The following IGF2BP2 variants were observed in gnomAD, a reference collection of about 807,000 sequenced individuals.
The protein encoded by IGF2BP2 is insulin-like growth factor 2 mRNA-binding protein 2.
In IGF2BP2, 17 loss-of-function variants were observed where a neutral mutation model predicts 75.8. The ratio of observed to expected loss-of-function variants is 0.22; its 90% confidence interval spans 0.15 to 0.34. The LOEUF is 0.34. IGF2BP2 is among the 10% of genes least tolerant of loss of function. The probability of loss-of-function intolerance (pLI) is 1.00; values close to 1 mark genes in which losing one functional copy is unlikely to be tolerated. For missense variants in IGF2BP2, 516 were observed against 772.4 expected (o/e 0.67, Z 3.93); for synonymous variants, 288 against 295.6 (o/e 0.97, Z 0.26).
intron 2 of IGF2BP2, among the ~76,000 whole-genome samples, chr3:185,760,713 G>C (rs2149691121): frequency 6.6e-6 from 1 of 152,244 alleles, no homozygotes; most frequent in East Asian, 1.9e-4. Flanking sequence ...GGAGATACGA[G>C]GAATATCTGG....
At chr3:185,765,603 G>A (rs897225999) in intron 2 of IGF2BP2, among the ~76,000 whole-genome samples, 1 of 152,208 alleles carries the variant, frequency 6.6e-6, no homozygotes, top group African/African-American at 2.4e-5. Context: ...GAGGAGAATT[G>A]AGAAAGGTCC....
intron 13 of IGF2BP2, 141 bp downstream of exon 13, chr3:185,651,953 G>T (rs553505469): frequency 3.5e-6 from 2 of 566,032 alleles, no homozygotes; most frequent in South Asian, 6.0e-5. Context: ...AGCCAGGGAT[G>T]ACAGGGTGAG....
At chr3:185,730,662 G>A (rs747619141) in intron 2 of IGF2BP2, among the ~76,000 whole-genome samples, 3 of 152,002 alleles carry the variant, frequency 2.0e-5, no homozygotes, top group Non-Finnish European at 1.5e-5. Flanking sequence ...TCGAGCTCCC[G>A]ACCTCAGGTG....
chr3:185,673,805 C>A (rs1284034989), intron 9 of IGF2BP2, among the ~76,000 whole-genome samples: 1 of 152,196 alleles, frequency 6.6e-6, no homozygotes, highest in Non-Finnish European at 1.5e-5. Context: ...CCTACCAGTG[C>A]GTGACTTTGG....
intron 2 of IGF2BP2, among the ~76,000 whole-genome samples, chr3:185,801,891 T>C (rs1738338767): frequency 1.3e-5 from 2 of 151,984 alleles, no homozygotes; most frequent in African/African-American, 4.8e-5. Context: ...CTGGAAGCCA[T>C]CATTCTCGGC....
At chr3:185,687,381 A>T (rs151146482) in intron 6 of IGF2BP2, among the ~76,000 whole-genome samples, 190 bp from the exon 7 acceptor site, 1 of 152,296 alleles carries the variant, frequency 6.6e-6, no homozygotes, top group Non-Finnish European at 1.5e-5. Flanking sequence ...GCCAAATTTT[A>T]ATTATTTGCA....
chr3:185,655,280 C>T (rs1200875023), intron 12 of IGF2BP2, among the ~76,000 whole-genome samples: 2 of 152,018 alleles, frequency 1.3e-5, no homozygotes, highest in African/African-American at 2.4e-5. Context: ...TACAGGCACC[C>T]GCCATCATGC....
chr3:185,669,250 A>G (rs1718142775), intron 10 of IGF2BP2, among the ~76,000 whole-genome samples: 1 of 152,130 alleles, frequency 6.6e-6, no homozygotes, highest in East Asian at 1.9e-4. Context: ...TACTTCCAGG[A>G]AATTATTCTG....
At chr3:185,649,993 ATTGTT>A (rs1714301508) in intron 13 of IGF2BP2, among the ~76,000 whole-genome samples, 1 of 151,786 alleles carries the variant, frequency 6.6e-6, no homozygotes. Flanking sequence ...GGAGCCTGAT[ATTGTT>A]TTAATTAAAA....
intron 2 of IGF2BP2, among the ~76,000 whole-genome samples, chr3:185,721,665 C>T (rs1726568283): frequency 6.6e-6 from 1 of 152,142 alleles, no homozygotes; most frequent in African/African-American, 2.4e-5. Context: ...TAATAAAACA[C>T]TGTTTATCAG....
chr3:185,775,546 T>C (rs886144178), intron 2 of IGF2BP2, among the ~76,000 whole-genome samples: 2 of 152,134 alleles, frequency 1.3e-5, no homozygotes, highest in African/African-American at 4.8e-5. Context: ...GGAAGGAGAA[T>C]GATCCAGAGC....
chr3:185,770,298 G>C (rs1206637202), intron 2 of IGF2BP2, among the ~76,000 whole-genome samples: 1 of 152,208 alleles, frequency 6.6e-6, no homozygotes. Context: ...CGGCCAACCC[G>C]AGGGAGCATA....
intron 2 of IGF2BP2, among the ~76,000 whole-genome samples, chr3:185,788,703 C>A (rs1232197391): frequency 1.5e-5 from 2 of 135,626 alleles, no homozygotes; most frequent in South Asian, 2.5e-4. Flanking sequence ...CCAAAACTGA[C>A]AAACGACTTT....
intron 2 of IGF2BP2, among the ~76,000 whole-genome samples, chr3:185,820,568 T>C (rs1043456796): frequency 2.6e-5 from 4 of 152,156 alleles, no homozygotes; most frequent in African/African-American, 9.6e-5. Context: ...GTTTTCTATT[T>C]CTAAGTGACC....
At chr3:185,742,919 T>C (rs1330292925) in intron 2 of IGF2BP2, among the ~76,000 whole-genome samples, 1 of 151,930 alleles carries the variant, frequency 6.6e-6, no homozygotes, top group African/African-American at 2.4e-5. Context: ...GCCAATATGG[T>C]GAAACCCCGT....
At chr3:185,704,815 G>A (rs1235727950) in intron 2 of IGF2BP2, among the ~76,000 whole-genome samples, 2 of 152,094 alleles carry the variant, frequency 1.3e-5, no homozygotes, top group Non-Finnish European at 2.9e-5. Flanking sequence ...CACAGAGACT[G>A]ATTAAGAGTC....
At chr3:185,800,678 A>G (rs1359761779) in intron 2 of IGF2BP2, among the ~76,000 whole-genome samples, 1 of 142,344 alleles carries the variant, frequency 7.0e-6, no homozygotes, top group African/African-American at 2.6e-5. Flanking sequence ...CGGAGGTTGC[A>G]GTGAGCTGAG....
Position 185,696,644 on chromosome 3 carries a change from G to A in IGF2BP2, c.308C>T (p.Ala103Val), listed in dbSNP as rs773508549. 1.7e-5 allele frequency: 27 copies of A among 1,613,724 alleles called. No homozygotes were observed. Among genetic ancestry groups the A allele is most frequent in the Non-Finnish European group, 2.2e-5 (26 of 1,179,924 alleles). The change falls in exon 4 of 16, where the codon GCT becomes GTT. Residue 103 changes from alanine (A) to valine (V), a missense_variant. Coordinates refer to ENST00000382199, the MANE Select transcript of IGF2BP2 (RefSeq NM_006548.6). ...CACATTCTCCACTGTCCCATATTGA[G>A]CCAAAAGTCCATCCAACACCTAAAA... ...LQWEVLDGLL[A>V]QYGTVENVEQ...
rs1431748389 is a variant in IGF2BP2 at position 185,770,281 on chromosome 3, GCAGGACCGGCCAAC to G, written c.239+52858_239+52871del. 2.0e-5 allele frequency among the ~76,000 whole-genome samples: 3 copies of G among 152,216 alleles called. No individual in the cohort carries two copies. In the East Asian group the frequency reaches 5.8e-4, roughly 29 times the overall value. ...ATAGTTAGGACTCAGGACTGGTCGA[GCAGGACCGGCCAAC>G]CCGAGGGAGCATATCTGGTGATTTA... On this transcript the variant is annotated intron_variant, in intron 2 of 15. Transcript: ENST00000382199.
Sources: gnomAD v4.1 joint callset for allele counts (sites outside exome capture counted in the v4.1 genomes callset) on GRCh38, gnomAD v4.1.1 for gene constraint, MANE v1.5 for transcripts, NCBI Gene and HGNC (gene_info 2026-07-23, HGNC 2026-07-21) for gene names.